Variants in MAST2 observed in about 807,000 individuals in gnomAD.
MAST2 encodes the protein microtubule-associated serine/threonine-protein kinase 2.
In MAST2, 70 loss-of-function variants were observed where a neutral mutation model predicts 147.4. The observed-to-expected ratio is 0.47, with a 90% confidence interval of 0.39 to 0.58. The LOEUF (loss-of-function observed/expected upper bound fraction) is 0.58. MAST2 is among the 20% of genes least tolerant of loss of function. The pLI, the probability that MAST2 is intolerant of heterozygous loss-of-function variation, is 0.00. For missense variants in MAST2, 2,080 were observed against 2,302.3 expected, an observed-to-expected ratio of 0.90 and a Z score of 1.98; for synonymous variants, 869 against 896.8, an observed-to-expected ratio of 0.97 and a Z score of 0.55.
chr1:46,007,605 G>A (rs1451752111), intron 8 of MAST2, among the ~76,000 whole-genome samples: 1 of 152,164 alleles, frequency 6.6e-6, no homozygotes, highest in African/African-American at 2.4e-5. Flanking sequence ...AGAACATCTG[G>A]GATCATGTGT....
At chr1:46,028,965 A>G (rs144201821) in intron 18 of MAST2, 32 bp downstream of exon 18, 7 of 1,527,952 alleles carry the variant, frequency 4.6e-6, no homozygotes, top group Non-Finnish European at 6.1e-6. Flanking sequence ...CAGTGGGGAA[A>G]CAGAGTCTGA....
intron 4 of MAST2, among the ~76,000 whole-genome samples, chr1:45,919,495 C>A (rs1412380409): frequency 2.0e-5 from 3 of 152,192 alleles, no homozygotes; most frequent in African/African-American, 7.2e-5. Context: ...AAGTGAAACA[C>A]AATGTATCAC....
At chr1:45,823,337 CTTT>C (rs58220954) in intron 1 of MAST2, among the ~76,000 whole-genome samples, 267 of 133,744 alleles carry the variant, frequency 2.0e-3, no homozygotes, top group East Asian at 0.014. Context: ...CAGTTATTCT[CTTT>C]TTTTTTTTTT....
intron 1 of MAST2, among the ~76,000 whole-genome samples, chr1:45,819,629 A>T (rs1237164751): frequency 1.3e-5 from 2 of 152,204 alleles, no homozygotes; most frequent in African/African-American, 4.8e-5. Context: ...ATACCTAGGG[A>T]TTAACCAAAG....
intron 3 of MAST2, among the ~76,000 whole-genome samples, chr1:45,836,217 A>G (rs1023250720): frequency 6.6e-6 from 1 of 152,220 alleles, no homozygotes; most frequent in African/African-American, 2.4e-5. Flanking sequence ...CTTCCCAGAA[A>G]TATATGAGGG....
At chr1:45,855,179 A>G (rs567753795) in intron 3 of MAST2, among the ~76,000 whole-genome samples, 2 of 152,352 alleles carry the variant, frequency 1.3e-5, no homozygotes, top group East Asian at 3.9e-4. Context: ...ACAGGAGCCC[A>G]GTTAACATTC....
In MAST2 at chr1:46,018,646, G is replaced by A. The variant is rs374369510; in HGVS notation, c.1189-950G>A. On this transcript the variant is annotated intron_variant, in intron 10 of 28. Transcript: ENST00000361297. ...GCATCTCTTTTCACAGTTCTTAAAC[G>A]GTTCTGCCACACTGACGTTAACAGT... Among the ~76,000 whole-genome samples the A allele has an allele frequency of 7.2e-5, 11 of 152,152 alleles. No homozygotes were observed. The East Asian group carries it at 1.4e-3, about 19-fold the overall frequency.
Position 46,029,908 on chromosome 1 carries a change from T to C in MAST2, c.2398T>C (p.Phe800Leu). Reference protein sequence around the residue: ...WTGLLRQKAEFIPQLESEDDT... With the variant: ...WTGLLRQKAELIPQLESEDDT... ...AGGACTTCTCCGCCAGAAGGCTGAA[T>C]TTATTCCTCAGTTGGAGTCAGAGGA... Residue 800 changes from phenylalanine to leucine, a missense_variant, in exon 20 of 29, where the codon TTT (phenylalanine) becomes CTT (leucine). Around this residue, in one of 4 missense-constraint regions of MAST2, gnomAD observed 1,278 missense variants for 1,304.2 expected, o/e 0.98. Coordinates refer to ENST00000361297, the MANE Select transcript of MAST2 (RefSeq NM_015112.3). 6.2e-7 allele frequency: 1 copy of C among 1,614,214 alleles called. No homozygotes were observed. The highest frequency in any genetic ancestry group is 8.5e-7 in the Non-Finnish European group (1 of 1,180,036).
At chr1:45,941,584 T>C (rs993232922) in intron 4 of MAST2, among the ~76,000 whole-genome samples, 2 of 152,356 alleles carry the variant, frequency 1.3e-5, no homozygotes, top group African/African-American at 2.4e-5. Flanking sequence ...AAAAATTTCT[T>C]TGGGATTTTC....
intron 5 of MAST2, among the ~76,000 whole-genome samples, chr1:45,986,766 ATGT>A (rs1644641777): frequency 1.3e-5 from 2 of 150,686 alleles, no homozygotes; most frequent in South Asian, 4.2e-4. Context: ...GTCTTTTTAT[ATGT>A]TGTTGTATTT....
intron 3 of MAST2, among the ~76,000 whole-genome samples, chr1:45,846,772 C>A (rs933084186): frequency 6.6e-6 from 1 of 151,620 alleles, no homozygotes; most frequent in African/African-American, 2.4e-5. Flanking sequence ...TTGCAGTGAG[C>A]CGAGATGATG....
intron 3 of MAST2, among the ~76,000 whole-genome samples, chr1:45,846,686 G>A (rs552085771): frequency 1.3e-5 from 2 of 151,992 alleles, no homozygotes; most frequent in African/African-American, 2.4e-5. Flanking sequence ...TTAGCTGGGC[G>A]TGGTGGCGGG....
At chr1:45,917,526 C>T in intron 4 of MAST2, 1 of 1,366,424 alleles carries the variant, frequency 7.3e-7, no homozygotes, top group South Asian at 1.1e-5. Flanking sequence ...CCGCCCACTG[C>T]CGTGGAGGTA....
chr1:46,025,484 T>TG (rs764031412), intron 15 of MAST2, among the ~76,000 whole-genome samples, 193 bp from the exon 16 acceptor site: 12 of 152,052 alleles, frequency 7.9e-5, no homozygotes, highest in Non-Finnish European at 1.3e-4. Context: ...GAGCTATGGG[T>TG]GGGGACACAG....
intron 6 of MAST2, 78 bp downstream of exon 6, chr1:45,997,877 C>T (rs1242227476): frequency 8.6e-7 from 1 of 1,165,218 alleles, no homozygotes; most frequent in African/African-American, 1.5e-5. Context: ...CAGATTCCTC[C>T]TTTAAGTGTC....
At chr1:45,986,673 C>T (rs369659785) in intron 5 of MAST2, among the ~76,000 whole-genome samples, 7 of 147,420 alleles carry the variant, frequency 4.7e-5, no homozygotes, top group East Asian at 2.0e-4. Context: ...GCCGAGATTG[C>T]GCCATTGCAC....
chr1:45,851,490 TC>T (rs1449954746), intron 3 of MAST2, among the ~76,000 whole-genome samples: 2 of 152,228 alleles, frequency 1.3e-5, no homozygotes, highest in Non-Finnish European at 2.9e-5. Context: ...GGCTAGAACT[TC>T]CAGTGCTCTG....
intron 4 of MAST2, among the ~76,000 whole-genome samples, chr1:45,924,720 C>A (rs1389350908): frequency 1.3e-5 from 2 of 152,100 alleles, no homozygotes; most frequent in Non-Finnish European, 2.9e-5. Flanking sequence ...TAACTCAGAA[C>A]GTCACTGTAT....
chr1:45,869,945 CAG>C (rs1266326029), intron 3 of MAST2, among the ~76,000 whole-genome samples: 1 of 127,188 alleles, frequency 7.9e-6, no homozygotes, highest in East Asian at 2.3e-4. Flanking sequence ...GTTTTTGAGA[CAG>C]AGTTTTGCTC....
Sources: allele counts gnomAD v4.1 joint callset (sites outside exome capture counted in the v4.1 genomes callset), GRCh38; gene constraint gnomAD v4.1.1; regional missense constraint gnomAD v4.1.1; transcripts MANE v1.5; gene names NCBI Gene and HGNC (gene_info 2026-07-23, HGNC 2026-07-21).